The following SPATA13 variants were observed in gnomAD, a reference collection of about 807,000 sequenced individuals.
SPATA13 encodes the protein spermatogenesis-associated protein 13.
SPATA13 carries 50 observed loss-of-function variants against 104.0 expected under a neutral mutation model. The ratio of observed to expected loss-of-function variants is 0.48; its 90% confidence interval spans 0.38 to 0.61. The LOEUF is 0.61. Among genes scored for constraint, SPATA13 ranks in the 20% least tolerant of loss-of-function variants. The probability of loss-of-function intolerance (pLI) is 0.00; values close to 1 mark genes in which losing one functional copy is unlikely to be tolerated. For missense variants in SPATA13, 1,524 were observed against 1,690.6 expected (o/e 0.90, Z 1.73); for synonymous variants, 606 against 667.5 (o/e 0.91, Z 1.42).
intron 3 of SPATA13, among the ~76,000 whole-genome samples, chr13:24,030,484 C>A (rs1877429818): frequency 6.6e-6 from 1 of 152,126 alleles, no homozygotes; most frequent in South Asian, 2.1e-4. Context: ...TGTGTCTTGT[C>A]TTCCTGTGGT....
chr13:24,025,154 A>G (rs1877154520), intron 3 of SPATA13, among the ~76,000 whole-genome samples: 2 of 150,502 alleles, frequency 1.3e-5, no homozygotes, highest in Non-Finnish European at 3.0e-5. Context: ...TTATTATTTT[A>G]CCATGTTTAT....
Position 24,305,208 on chromosome 13 carries a change from T to A in SPATA13, c.*2435T>A, listed in dbSNP as rs949315110. 6.6e-6 allele frequency: 1 copy of A among 152,206 alleles called. No homozygotes were observed. Among genetic ancestry groups the A allele is most frequent in the South Asian group, 2.1e-4 (1 of 4,826 alleles). The allele number at this position is 152,206 out of a possible 1,614,324, so 9.4% of individuals were successfully genotyped here. On this transcript the variant is annotated 3_prime_UTR_variant, in exon 13 of 13. Transcript: ENST00000382108. The stretch of plus-strand genomic sequence containing the variant: ...TTTGCATTTTGTGGCCAGTCCTAAT[T>A]TATTTTCCAGCTGAGCCCTAACTTC...
At chr13:24,275,891 G>A (rs557324535) in intron 4 of SPATA13, among the ~76,000 whole-genome samples, 3 of 152,306 alleles carry the variant, frequency 2.0e-5, no homozygotes, top group South Asian at 2.1e-4. Flanking sequence ...CTGAGATCGC[G>A]CCACAGCACT....
intron 3 of SPATA13, among the ~76,000 whole-genome samples, chr13:24,021,695 C>G (rs1876976644): frequency 6.6e-6 from 1 of 151,756 alleles, no homozygotes; most frequent in Non-Finnish European, 1.5e-5. Flanking sequence ...AAGTCATACT[C>G]TGTGAAGGTT....
At chr13:24,030,830 A>G (rs1423126939) in intron 3 of SPATA13, among the ~76,000 whole-genome samples, 1 of 152,218 alleles carries the variant, frequency 6.6e-6, no homozygotes, top group East Asian at 1.9e-4. Context: ...AGCAGTGGAA[A>G]AGACCTTTAT....
intron 4 of SPATA13, among the ~76,000 whole-genome samples, chr13:24,269,833 C>T (rs1266575154): frequency 1.4e-5 from 2 of 147,672 alleles, no homozygotes; most frequent in East Asian, 4.0e-4. Context: ...AATTGATCCT[C>T]CCACCTTGGC....
In SPATA13 at chr13:24,160,857, A is replaced by G. The variant is rs2244601; in HGVS notation, c.-187A>G. The stretch of plus-strand genomic sequence containing the variant: ...GCGGCGACCTCGGGGCTCCGCCGGC[A>G]CCGGAGGTGGCTCTGAGGGCAGGGA... On this transcript the variant is annotated 5_prime_UTR_variant, in exon 1 of 13. Coordinates refer to ENST00000382108, the MANE Select transcript of SPATA13 (RefSeq NM_001166271.3). 507,645 of 984,942 alleles carry G rather than the reference A, an allele frequency of 0.52. 131,195 individuals are homozygous for G. The highest frequency in any genetic ancestry group is 0.56 in the Middle Eastern group (1,061 of 1,910). 61.0% of individuals were successfully genotyped at this position (984,942 alleles called of 1,614,324 possible).
intron 2 of SPATA13, among the ~76,000 whole-genome samples, chr13:23,994,431 A>G (rs1017914551): frequency 5.9e-5 from 9 of 152,354 alleles, no homozygotes; most frequent in Admixed American, 3.9e-4. Context: ...AGGATGAGGT[A>G]TCATCCTTAA....
intron 2 of SPATA13, among the ~76,000 whole-genome samples, chr13:24,244,787 C>T (rs1413003609): frequency 6.6e-6 from 1 of 152,174 alleles, no homozygotes; most frequent in Non-Finnish European, 1.5e-5. Context: ...CACCTGAGCC[C>T]AGGAGGTGGA....
intron 3 of SPATA13, among the ~76,000 whole-genome samples, chr13:24,118,528 C>T (rs954490266): frequency 1.3e-5 from 2 of 152,182 alleles, no homozygotes; most frequent in East Asian, 1.9e-4. Context: ...TTGTAGCCTG[C>T]ATCAGTCTCC....
intron 2 of SPATA13, among the ~76,000 whole-genome samples, chr13:24,001,489 G>A (rs1474803511): frequency 6.6e-6 from 1 of 152,002 alleles, no homozygotes; most frequent in Non-Finnish European, 1.5e-5. Flanking sequence ...AAGGAGTGGC[G>A]GTGGAGAGGG....
intron 3 of SPATA13, among the ~76,000 whole-genome samples, chr13:24,100,468 C>G (rs1051537703): frequency 3.9e-5 from 6 of 152,196 alleles, no homozygotes; most frequent in East Asian, 1.9e-4. Flanking sequence ...CACTCTCGCT[C>G]TCACTCCCTG....
chr13:24,293,647 A>G lies in SPATA13; in HGVS notation c.3081-1092A>G, dbSNP rs376064468. On this transcript the variant is annotated intron_variant, in intron 9 of 12. Transcript: ENST00000382108. ...ATTACAATTTAGTTTTGTCCAGAAAAACTTATTTTGCGACCCTTTCTTCAT... is the reference window on the plus strand; with the variant it reads ...ATTACAATTTAGTTTTGTCCAGAAAGACTTATTTTGCGACCCTTTCTTCAT... 1.4e-4 allele frequency among the ~76,000 whole-genome samples: 21 copies of G among 152,352 alleles called. No individual in the cohort carries two copies. In the South Asian group the frequency reaches 4.1e-3, roughly 30 times the overall value.
At chr13:24,087,965 G>A (rs1879788736) in intron 3 of SPATA13, among the ~76,000 whole-genome samples, 1 of 152,184 alleles carries the variant, frequency 6.6e-6, no homozygotes, top group African/African-American at 2.4e-5. Flanking sequence ...CCAGCTTTGG[G>A]CCTTCCTCCA....
intron 3 of SPATA13, among the ~76,000 whole-genome samples, chr13:24,129,177 G>T (rs574991614): frequency 7.2e-5 from 11 of 152,342 alleles, no homozygotes; most frequent in Middle Eastern, 3.4e-3. Flanking sequence ...AAAAGGAACT[G>T]TCCAGACTCT....
intron 3 of SPATA13, among the ~76,000 whole-genome samples, chr13:24,021,786 A>T (rs1876982759): frequency 1.3e-5 from 2 of 151,002 alleles, no homozygotes; most frequent in South Asian, 4.2e-4. Context: ...ATCTTGGCTC[A>T]CTGCAAGCTC....
chr13:24,043,742 G>A (rs1359289771), intron 3 of SPATA13, among the ~76,000 whole-genome samples: 3 of 152,164 alleles, frequency 2.0e-5, no homozygotes, highest in Non-Finnish European at 4.4e-5. Flanking sequence ...CCTGCTGGTC[G>A]TGAAAGGTCA....
chr13:24,186,308 A>G (rs374893332), intron 1 of SPATA13, among the ~76,000 whole-genome samples: 20 of 152,330 alleles, frequency 1.3e-4, no homozygotes, highest in East Asian at 7.7e-4. Flanking sequence ...GGGAATAGCT[A>G]CAGGAAAATT....
chr13:24,301,742 T>C (rs1181484876), intron 12 of SPATA13, among the ~76,000 whole-genome samples: 2 of 152,258 alleles, frequency 1.3e-5, no homozygotes, highest in African/African-American at 2.4e-5. Context: ...CGTGCCATGC[T>C]GACTTACACA....
Sources: gnomAD v4.1 joint callset for allele counts (sites outside exome capture counted in the v4.1 genomes callset) on GRCh38, gnomAD v4.1.1 for gene constraint, MANE v1.5 for transcripts, NCBI Gene and HGNC (gene_info 2026-07-23, HGNC 2026-07-21) for gene names.